Variants in PIK3C3 observed in about 807,000 individuals in gnomAD.
PIK3C3 encodes the protein phosphatidylinositol 3-kinase catalytic subunit type 3.
Under a neutral mutation model 126.1 loss-of-function variants are expected in PIK3C3, and 95 were observed. The ratio of observed to expected loss-of-function variants is 0.75; its 90% CI spans 0.64 to 0.89. The LOEUF (loss-of-function observed/expected upper bound fraction) is 0.89. Among genes scored for constraint, PIK3C3 ranks in the 40% least tolerant of loss-of-function variants. The pLI is 0.00. For synonymous variants in PIK3C3, 374 were observed against 360.0 expected (o/e 1.04, Z -0.44); for missense variants, 829 against 1,063.2 (o/e 0.78, Z 3.06).
chr18:41,955,495 G>A (rs1598839533), intron 1 of PIK3C3, 136 bp downstream of exon 1: 3 of 693,268 alleles, frequency 4.3e-6, no homozygotes, highest in Admixed American at 5.2e-5. Flanking sequence ...GAGGGCTGTA[G>A]CCAGGGAGGC....
rs761903211 is a variant in PIK3C3, at chr18:41,957,665, C to T, written c.164C>T (p.Ser55Phe). The change falls in exon 2 of 25, where the codon TCT (serine) becomes TTT (phenylalanine). Residue 55 changes from serine to phenylalanine, a missense_variant. Coordinates refer to ENST00000262039, the MANE Select transcript of PIK3C3 (RefSeq NM_002647.4). Reference sequence around the variant, plus strand: ...TCAGGACTATATCAAGAGACATGCTCTGATCTTTATGTTACTTGTCAAGTT... The same window carrying T: ...TCAGGACTATATCAAGAGACATGCTTTGATCTTTATGTTACTTGTCAAGTT... ...KFSGLYQETC[S>F]DLYVTCQVFA... The T allele has an allele frequency of 1.2e-6, 2 of 1,613,962 alleles. No individual in the cohort carries two copies. The highest frequency in any genetic ancestry group is 3.3e-4 in the Middle Eastern group (2 of 6,060).
intron 4 of PIK3C3, among the ~76,000 whole-genome samples, chr18:41,975,839 A>G (rs1598858884): frequency 6.6e-6 from 1 of 151,826 alleles, no homozygotes; most frequent in East Asian, 2.0e-4. Flanking sequence ...AGCTGTGACT[A>G]CAGGCACCCG....
chr18:42,045,070 A>G (rs950477550), intron 20 of PIK3C3, among the ~76,000 whole-genome samples: 4 of 152,206 alleles, frequency 2.6e-5, no homozygotes, highest in Admixed American at 2.0e-4. Flanking sequence ...GTGATGATAC[A>G]TTTTTGTCTG....
At chr18:42,009,596 T>C (rs533088094) in intron 10 of PIK3C3, among the ~76,000 whole-genome samples, 2 of 151,254 alleles carry the variant, frequency 1.3e-5, no homozygotes, top group East Asian at 3.9e-4. Flanking sequence ...GACTACATTA[T>C]GTAATGTACA....
intron 10 of PIK3C3, among the ~76,000 whole-genome samples, chr18:42,008,424 G>A (rs889160028): frequency 2.6e-5 from 4 of 152,180 alleles, no homozygotes; most frequent in African/African-American, 9.6e-5. Context: ...TTAGACTGGA[G>A]TGTGGGATAT....
At chr18:41,989,707 A>G (rs1041594294) in intron 5 of PIK3C3, among the ~76,000 whole-genome samples, 12 of 152,166 alleles carry the variant, frequency 7.9e-5, no homozygotes, top group Admixed American at 2.6e-4. Flanking sequence ...GCTATAGGCT[A>G]TACCATCTAG....
Position 41,957,680 on chromosome 18 carries a change from CT to C in PIK3C3, c.181del (p.Cys61ValfsTer14). 3 of 1,613,988 alleles carry C rather than the reference CT, an allele frequency of 1.9e-6. No individual in the cohort carries two copies. The highest frequency in any genetic ancestry group is 2.5e-6 in the Non-Finnish European group (3 of 1,179,930). ...YQETCSDLYV[T>X]CQVFAEGKPL... ...GAGACATGCTCTGATCTTTATGTTA[CT>C]TGTCAAGTTTTTGCAGAAGGGAAGC... On this transcript the variant is annotated frameshift_variant, in exon 2 of 25. Coordinates refer to ENST00000262039, the MANE Select transcript of PIK3C3 (RefSeq NM_002647.4). LOFTEE classifies it high-confidence loss of function.
intron 21 of PIK3C3, among the ~76,000 whole-genome samples, chr18:42,052,530 A>G (rs906510261): frequency 6.6e-6 from 1 of 152,102 alleles, no homozygotes; most frequent in African/African-American, 2.4e-5. Flanking sequence ...TTTGGTTTGG[A>G]TGAAATTAGA....
At chr18:41,989,518 A>T (rs183353256) in intron 5 of PIK3C3, among the ~76,000 whole-genome samples, 1 of 152,266 alleles carries the variant, frequency 6.6e-6, no homozygotes, top group African/African-American at 2.4e-5. Flanking sequence ...CACATGTACA[A>T]TGATGGTTCC....
At position 41,978,579 on chromosome 18, in the gene PIK3C3, A is replaced by G. The variant is rs1029343389; in HGVS notation, c.531+8123A>G. Among the ~76,000 whole-genome samples the G allele has an allele frequency of 1.3e-5, 2 of 152,220 alleles. 1 individual carries two copies. The highest frequency in any genetic ancestry group is 4.8e-5 in the African/African-American group (2 of 41,462). On this transcript the variant is annotated intron_variant, in intron 4 of 24. Coordinates refer to ENST00000262039, the MANE Select transcript of PIK3C3 (RefSeq NM_002647.4). ...AATTTGAAAGGAAAAATCCCTAAAT[A>G]TAACAATATTTTAAAATTTTCTTTC...
Position 42,084,455 on chromosome 18 carries a change from T to TA in PIK3C3, c.*3318_*3319insA, listed in dbSNP as rs762335518. On this transcript the variant is annotated 3_prime_UTR_variant, in exon 25 of 25. Coordinates refer to ENST00000262039, the MANE Select transcript of PIK3C3 (RefSeq NM_002647.4). ...ATACTGATTTGCCAAAATGAGTAAT[T>TA]TTGATATATTAATATTTCACTTATA... 2.0e-5 allele frequency: 3 copies of TA among 151,838 alleles called. No homozygotes were observed. The highest frequency in any genetic ancestry group is 3.9e-4 in the East Asian group (2 of 5,176). The allele number at this position is 151,838 out of a possible 1,614,324, so 9.4% of individuals were successfully genotyped here.
chr18:42,072,571 C>T lies in PIK3C3; in HGVS notation c.2649+5058C>T, dbSNP rs533103996. 2.7e-4 allele frequency among the ~76,000 whole-genome samples: 41 copies of T among 152,154 alleles called. No homozygotes were observed. The East Asian group carries it at 7.5e-3, about 28-fold the overall frequency. On this transcript the variant is annotated intron_variant, in intron 24 of 24. Coordinates refer to ENST00000262039, the MANE Select transcript of PIK3C3 (RefSeq NM_002647.4). ...TCTTTTTTGGCATCTTGTTCTGTCG[C>T]CCCCCACTGGAGTGCAGTGGTACAA... is the stretch of plus-strand genomic sequence containing the variant.
intron 12 of PIK3C3, among the ~76,000 whole-genome samples, chr18:42,017,225 C>G (rs1453282743): frequency 6.6e-6 from 1 of 152,112 alleles, no homozygotes; most frequent in Admixed American, 6.5e-5. Context: ...CTCTTCTTAT[C>G]ACAACTTGAG....
chr18:42,021,801 T>C (rs1983335271), intron 13 of PIK3C3, among the ~76,000 whole-genome samples: 1 of 152,134 alleles, frequency 6.6e-6, no homozygotes, highest in Non-Finnish European at 1.5e-5. Context: ...AAAGAAATGC[T>C]CTTTGGAGCA....
intron 21 of PIK3C3, chr18:42,053,142 C>A (rs898318301): frequency 1.3e-5 from 2 of 152,096 alleles, no homozygotes; most frequent in African/African-American, 4.8e-5. Flanking sequence ...TTAAACCAGA[C>A]AAACTATTCT....
chr18:42,077,181 A>G (rs963190295), intron 24 of PIK3C3, among the ~76,000 whole-genome samples: 2 of 152,236 alleles, frequency 1.3e-5, no homozygotes, highest in Non-Finnish European at 1.5e-5. Flanking sequence ...ATGCTTAACA[A>G]TCATCTGAGC....
At chr18:42,063,052 G>C (rs757210875) in intron 22 of PIK3C3, among the ~76,000 whole-genome samples, 5 of 152,250 alleles carry the variant, frequency 3.3e-5, no homozygotes, top group Admixed American at 1.3e-4. Flanking sequence ...AAGATGGCCA[G>C]TGTGAACTGT....
intron 3 of PIK3C3, among the ~76,000 whole-genome samples, chr18:41,966,469 C>T (rs1313924975): frequency 1.3e-5 from 2 of 152,048 alleles, no homozygotes; most frequent in East Asian, 3.9e-4. Flanking sequence ...TATGCCTGGC[C>T]TATTGTTCTT....
intron 3 of PIK3C3, among the ~76,000 whole-genome samples, chr18:41,965,315 T>C (rs1341504651): frequency 6.6e-6 from 1 of 152,226 alleles, no homozygotes; most frequent in Non-Finnish European, 1.5e-5. Flanking sequence ...CTTTAGGATC[T>C]AGTTTCAGAG....
Sources: allele counts gnomAD v4.1 joint callset (sites outside exome capture counted in the v4.1 genomes callset), GRCh38; gene constraint gnomAD v4.1.1; transcripts MANE v1.5; gene names NCBI Gene and HGNC (gene_info 2026-07-23, HGNC 2026-07-21).